Variants in USP39 observed in about 807,000 individuals in gnomAD.
USP39 encodes ubiquitin specific peptidase 39, also known as ubiquitin carboxyl-terminal hydrolase 39.
USP39 carries 38 observed loss-of-function variants against 66.4 expected under a neutral mutation model. The ratio of observed to expected loss-of-function variants is 0.57; its 90% CI spans 0.44 to 0.75. USP39 has a LOEUF of 0.75. USP39 is among the 30% of genes least tolerant of loss of function. The pLI is 0.00. For missense variants in USP39, 608 were observed against 714.4 expected (o/e 0.85, Z 1.70); for synonymous variants, 303 against 274.6 (o/e 1.10, Z -1.02).
At chr2:85,641,578 A>C (rs1157051970) in intron 10 of USP39, among the ~76,000 whole-genome samples, 1 of 152,144 alleles carries the variant, frequency 6.6e-6, no homozygotes, top group African/African-American at 2.4e-5. Flanking sequence ...GTTGGTTTTC[A>C]GTTCTCAAGA....
intron 6 of USP39, among the ~76,000 whole-genome samples, chr2:85,632,793 T>C (rs888929551): frequency 1.3e-5 from 2 of 151,988 alleles, no homozygotes; most frequent in African/African-American, 4.8e-5. Context: ...TTAAGTGCTG[T>C]GCTATGGGAG....
chr2:85,638,480 C>T (rs185445097), intron 8 of USP39, among the ~76,000 whole-genome samples: 86 of 152,176 alleles, frequency 5.7e-4, no homozygotes, highest in Non-Finnish European at 1.1e-3. Flanking sequence ...ACCATAGATA[C>T]ACACCACCAC....
chr2:85,639,535 A>G, intron 9 of USP39, 144 bp downstream of exon 9: 7 of 767,452 alleles, frequency 9.1e-6, no homozygotes, highest in South Asian at 6.3e-5. Context: ...GCTGACTGCA[A>G]TCTCTACCTC....
At chr2:85,624,193 T>C (rs867423213) in intron 4 of USP39, among the ~76,000 whole-genome samples, 1 of 152,016 alleles carries the variant, frequency 6.6e-6, no homozygotes, top group Non-Finnish European at 1.5e-5. Context: ...ACAGATATCT[T>C]ATCTGTGGGC....
intron 4 of USP39, among the ~76,000 whole-genome samples, chr2:85,624,590 C>T (rs1349019321): frequency 2.0e-5 from 3 of 152,076 alleles, no homozygotes; most frequent in Non-Finnish European, 4.4e-5. Context: ...TTAAGGAAAA[C>T]GTGGTATTTA....
intron 2 of USP39, 71 bp from the exon 3 acceptor site, chr2:85,621,414 C>T: frequency 2.3e-6 from 3 of 1,312,534 alleles, no homozygotes; most frequent in Non-Finnish European, 3.3e-6. Flanking sequence ...GGTCACAGAG[C>T]CAGCACTGCT....
chr2:85,636,955 T>G (rs1180180953), intron 7 of USP39, among the ~76,000 whole-genome samples: 2 of 152,220 alleles, frequency 1.3e-5, no homozygotes, highest in Non-Finnish European at 2.9e-5. Flanking sequence ...GGCCCATCTC[T>G]TAGTCTGTCA....
chr2:85,625,830 C>A, intron 5 of USP39, 139 bp downstream of exon 5: 1 of 1,067,930 alleles, frequency 9.4e-7, no homozygotes, highest in Non-Finnish European at 1.3e-6. Flanking sequence ...CCAGCCTGGC[C>A]AACATGGAGA....
intron 5 of USP39, 73 bp from the exon 6 acceptor site, chr2:85,630,648 C>G (rs1675247481): frequency 1.4e-6 from 2 of 1,440,444 alleles, no homozygotes; most frequent in Admixed American, 3.8e-5. Context: ...ATTAGGAGAA[C>G]TTTAATTGGA....
rs562690208 is a variant in USP39 at position 85,648,859 on chromosome 2, TAAG to T, written c.*54_*56del. On this transcript the variant is annotated 3_prime_UTR_variant, in exon 13 of 13. Transcript: ENST00000323701. ...AAGGGCTGTGGCTGATGATGGTAAA[TAAG>T]AACACAGAAGCTGTAGCTGAACACA... 4,242 of 1,606,610 alleles carry T rather than the reference TAAG, an allele frequency of 2.6e-3. 11 individuals carry two copies. Among genetic ancestry groups the T allele is most frequent in the Non-Finnish European group, 3.2e-3 (3,711 of 1,174,744 alleles).
At position 85,616,467 on chromosome 2, in the gene USP39, C is replaced by A; in HGVS notation, c.268+4C>A. On this transcript the variant is annotated splice_donor_region_variant and intron_variant, in intron 1 of 12. Coordinates refer to ENST00000323701, the MANE Select transcript of USP39 (RefSeq NM_006590.4). Reference sequence around the variant, plus strand: ...GAGCCTGAGCGGGAGGTGCGAGGTGCGCGGGGCCGGGCCGGGCTAGGCGCG... The same window carrying A: ...GAGCCTGAGCGGGAGGTGCGAGGTGAGCGGGGCCGGGCCGGGCTAGGCGCG... 3 of 1,506,260 alleles carry A rather than the reference C, an allele frequency of 2.0e-6. No individual in the cohort carries two copies. Among genetic ancestry groups the A allele is most frequent in the Non-Finnish European group, 1.8e-6 (2 of 1,117,930 alleles). The allele number at this position is 1,506,260 out of a possible 1,614,324, so 93.3% of individuals were successfully genotyped here. A position where few individuals can be genotyped will look rare whatever the true frequency, so the allele number is the denominator to read the frequency against.
At chr2:85,627,336 C>T (rs887599897) in intron 5 of USP39, among the ~76,000 whole-genome samples, 2 of 152,060 alleles carry the variant, frequency 1.3e-5, no homozygotes, top group African/African-American at 4.8e-5. Flanking sequence ...ACCTCGTGGT[C>T]CACCCGCCTG....
At chr2:85,634,946 A>G (rs1381878870) in intron 6 of USP39, among the ~76,000 whole-genome samples, 1 of 152,148 alleles carries the variant, frequency 6.6e-6, no homozygotes, top group African/African-American at 2.4e-5. Flanking sequence ...CTGAGAATCA[A>G]CGTGTCTAGT....
Position 85,616,217 on chromosome 2 carries a change from G to T in USP39, c.22G>T (p.Glu8Ter). ...GGAGATGTCCGGCCGGTCTAAGCGG[G>T]AGTCTCGCGGTTCCACTCGCGGGAA... The part of the protein sequence containing the change: MSGRSKR[E>*]SRGSTRGKRE... The change falls in exon 1 of 13, where the codon GAG becomes TAG. Residue 8 changes from glutamate to a stop codon, truncating the protein, a stop_gained. Coordinates refer to ENST00000323701, the MANE Select transcript of USP39 (RefSeq NM_006590.4). LOFTEE classifies it high-confidence loss of function. 2 of 1,467,142 alleles carry T rather than the reference G, an allele frequency of 1.4e-6. No homozygotes were observed. The highest frequency in any genetic ancestry group is 1.8e-6 in the Non-Finnish European group (2 of 1,102,890). The allele number at this position is 1,467,142 out of a possible 1,614,324, so 90.9% of individuals were successfully genotyped here.
chr2:85,609,489 G>A (rs1221697710), upstream of USP39: 1 of 1,614,096 alleles, frequency 6.2e-7, no homozygotes, highest in Admixed American at 1.7e-5. Context: ...ATTCTAAGCA[G>A]AAGAGCTGAT....
chr2:85,616,392 T>C lies in USP39; in HGVS notation c.197T>C (p.Val66Ala). The stretch of plus-strand genomic sequence containing the variant: ...AGCGCGCGCGAGGCCCCGGCTTCTG[T>C]TGTCCCGTTTGTGCGGGTGAAGCGG... ...PASAREAPASVVPFVRVKRER... is the reference protein window; with the variant it reads ...PASAREAPASAVPFVRVKRER... The change falls in exon 1 of 13, where the codon GTT becomes GCT. Residue 66 changes from valine (V) to alanine (A), a missense_variant. Transcript: ENST00000323701. 1.2e-6 allele frequency: 2 copies of C among 1,603,634 alleles called. No homozygotes were observed. The highest frequency in any genetic ancestry group is 2.2e-5 in the South Asian group (2 of 89,636).
At chr2:85,633,930 C>T (rs375969166) in intron 6 of USP39, among the ~76,000 whole-genome samples, 229 of 145,176 alleles carry the variant, frequency 1.6e-3, no homozygotes, top group Non-Finnish European at 1.2e-3. Flanking sequence ...CTCCGCCTCC[C>T]GGGTTCACGC....
upstream of USP39, chr2:85,612,249 A>G (rs1673609857): frequency 7.2e-7 from 1 of 1,393,110 alleles, no homozygotes. Context: ...GTAACATATC[A>G]ATAGGAAACA....
intron 10 of USP39, among the ~76,000 whole-genome samples, chr2:85,643,912 C>T (rs900909042): frequency 1.1e-4 from 17 of 152,142 alleles, no homozygotes; most frequent in Non-Finnish European, 2.9e-5. Context: ...CTCGGCCTCC[C>T]AAAGTGTTGG....
Sources: gnomAD v4.1 joint callset for allele counts (sites outside exome capture counted in the v4.1 genomes callset) on GRCh38, gnomAD v4.1.1 for gene constraint, MANE v1.5 for transcripts, NCBI Gene and HGNC (gene_info 2026-07-23, HGNC 2026-07-21) for gene names.